The following SUN2 variants were observed in gnomAD, a reference collection of about 807,000 sequenced individuals.
The protein encoded by SUN2 is Sad1 and UNC84 domain containing 2.
A neutral mutation model predicts 100.0 loss-of-function variants in SUN2; 60 were observed. The observed-to-expected ratio is 0.60, with a 90% CI of 0.49 to 0.74. SUN2 has a LOEUF of 0.74. SUN2 is among the 30% of genes least tolerant of loss of function. The probability of loss-of-function intolerance (pLI) is 0.00; values close to 1 mark genes in which losing one functional copy is unlikely to be tolerated. For synonymous variants in SUN2, 367 were observed against 403.3 expected, an observed-to-expected ratio of 0.91 and a Z score of 1.08; for missense variants, 834 against 954.6, an observed-to-expected ratio of 0.87 and a Z score of 1.66.
chr22:38,750,196 G>T (rs762678655), intron 5 of SUN2, 29 bp downstream of exon 5: 1 of 1,603,016 alleles, frequency 6.2e-7, no homozygotes, highest in South Asian at 1.1e-5. Context: ...ACCAAGAATG[G>T]AAGTAACTGG....
chr22:38,739,267 C>T lies in SUN2; in HGVS notation c.1663+75G>A. On this transcript the variant is annotated intron_variant, in intron 14 of 17. Coordinates refer to ENST00000689035, the MANE Select transcript of SUN2 (RefSeq NM_015374.3). The surrounding 1 kb of genome is among the most constrained non-coding windows in gnomAD (Gnocchi z 6.7). The stretch of plus-strand genomic sequence containing the variant: ...AGCTTTGCTTGCTCTGCCCCACCAC[C>T]AACCTGGTAGATGCCAGGGGACCGG... 2 of 1,512,928 alleles carry T rather than the reference C, an allele frequency of 1.3e-6. No individual in the cohort carries two copies. The highest frequency in any genetic ancestry group is 1.1e-5 in the South Asian group (1 of 89,096). The allele number at this position is 1,512,928 out of a possible 1,614,324, so 93.7% of individuals were successfully genotyped here.
Position 38,737,467 on chromosome 22 carries a change from C to T in SUN2, c.2040+706G>A, listed in dbSNP as rs965449376. Among the ~76,000 whole-genome samples, 1 of 152,164 alleles carries T rather than the reference C, an allele frequency of 6.6e-6. No individual in the cohort carries two copies. The highest frequency in any genetic ancestry group is 2.4e-5 in the African/African-American group (1 of 41,432). On this transcript the variant is annotated intron_variant, in intron 17 of 17. Transcript: ENST00000689035. The surrounding 1 kb of genome is among the most constrained non-coding windows in gnomAD (Gnocchi z 4.1). Reference sequence around the variant, plus strand: ...CTGACGGGTCTCCCAGGCCCAGGCTCGCCCCTTCGAGTCATATAGTGATGT... The same window carrying T: ...CTGACGGGTCTCCCAGGCCCAGGCTTGCCCCTTCGAGTCATATAGTGATGT...
chr22:38,750,469 G>A, intron 4 of SUN2, 149 bp from the exon 5 acceptor site: 1 of 1,455,106 alleles, frequency 6.9e-7, no homozygotes, highest in Non-Finnish European at 9.2e-7. Flanking sequence ...GAATGAAATG[G>A]GAGCTCTTTG....
chr22:38,740,481 TA>T lies in SUN2; in HGVS notation c.1191-50del. On this transcript the variant is annotated intron_variant, in intron 11 of 17. Transcript: ENST00000689035. The surrounding 1 kb of genome is among the most constrained non-coding windows in gnomAD (Gnocchi z 4.8). ...AGCCTCGGATCTCTTTGGTGGGAGGTAAGGCCACACCAAAGATGAAAGAGGA... is the reference window on the plus strand; with the variant it reads ...AGCCTCGGATCTCTTTGGTGGGAGGTAGGCCACACCAAAGATGAAAGAGGA... 1 of 1,416,874 alleles carries T rather than the reference TA, an allele frequency of 7.1e-7. No individual in the cohort carries two copies. The highest frequency in any genetic ancestry group is 9.3e-7 in the Non-Finnish European group (1 of 1,077,458). 87.8% of individuals were successfully genotyped at this position (1,416,874 alleles called of 1,614,324 possible).
chr22:38,750,938 C>T lies in SUN2; in HGVS notation c.384G>A (p.Leu128=). 1 of 1,614,026 alleles carries T rather than the reference C, an allele frequency of 6.2e-7. No individual in the cohort carries two copies. Among genetic ancestry groups the T allele is most frequent in the Middle Eastern group, 1.7e-4 (1 of 6,060 alleles). The part of the protein sequence containing the change: ...LVGRKATEDF[L]GSSSGYSSED... ...CAGAGGAGTAGCCCGAGGAAGAGCC[C>T]AGGAAGTCCTCGGTGGCCTTGCGCC... Residue 128 remains leucine (L), a synonymous_variant, in exon 4 of 18, where the codon CTG becomes CTA. Transcript: ENST00000689035.
intron 3 of SUN2, 73 bp downstream of exon 3, chr22:38,751,137 A>G (rs1457647850): frequency 6.2e-7 from 1 of 1,607,694 alleles, no homozygotes; most frequent in Non-Finnish European, 8.5e-7. Context: ...CGGGGACTGC[A>G]GGGGACACTG....
At chr22:38,751,924 G>C (rs113082912) in intron 2 of SUN2, among the ~76,000 whole-genome samples, 1 of 152,302 alleles carries the variant, frequency 6.6e-6, no homozygotes, top group African/African-American at 2.4e-5. Context: ...TTTCCGGCCT[G>C]GCTTATGGTT....
intron 1 of SUN2, among the ~76,000 whole-genome samples, chr22:38,753,154 G>A (rs1210262818): frequency 1.3e-5 from 2 of 151,316 alleles, no homozygotes; most frequent in Non-Finnish European, 2.9e-5. Flanking sequence ...CTCGTTCATC[G>A]AGGGCCCCAA....
Position 38,755,104 on chromosome 22 carries a change from G to A in SUN2, c.-38+659C>T, listed in dbSNP as rs1282459724. On this transcript the variant is annotated intron_variant, in intron 1 of 17. Transcript: ENST00000689035. This position sits in a 1 kb window ranked among gnomAD's most constrained non-coding sequence, Gnocchi z 5.7. ...CTGGGCGACTTCCTTTCTCAATTCCGCCCTTCCCCATCACAAACATCTCCA... is the reference window on the plus strand; with the variant it reads ...CTGGGCGACTTCCTTTCTCAATTCCACCCTTCCCCATCACAAACATCTCCA... 3.1e-6 allele frequency: 3 copies of A among 967,638 alleles called. No individual in the cohort carries two copies. Among genetic ancestry groups the A allele is most frequent in the African/African-American group, 1.8e-5 (1 of 57,138 alleles). The allele number at this position is 967,638 out of a possible 1,614,324, so 59.9% of individuals were successfully genotyped here.
Position 38,755,025 on chromosome 22 carries a change from C to T in SUN2, c.-38+738G>A. ...GACACCACCCCCGCCCCACCTCCTC[C>T]CTAACAATCAGTTAGGAAACGCTCA... On this transcript the variant is annotated intron_variant, in intron 1 of 17. Transcript: ENST00000689035. This position sits in a 1 kb window ranked among gnomAD's most constrained non-coding sequence, Gnocchi z 5.7. 1 of 1,225,240 alleles carries T rather than the reference C, an allele frequency of 8.2e-7. No homozygotes were observed. The highest frequency in any genetic ancestry group is 1.1e-6 in the Non-Finnish European group (1 of 940,094). 75.9% of individuals were successfully genotyped at this position (1,225,240 alleles called of 1,614,324 possible). A position where few individuals can be genotyped will look rare whatever the true frequency, so the allele number is the denominator to read the frequency against.
Position 38,735,169 on chromosome 22 carries a change from T to A in SUN2, c.*1098A>T, listed in dbSNP as rs948908983. The A allele has an allele frequency of 2.3e-6, 1 of 442,790 alleles. No homozygotes were observed. Among genetic ancestry groups the A allele is most frequent in the Non-Finnish European group, 4.5e-6 (1 of 221,534 alleles). The allele number at this position is 442,790 out of a possible 1,614,324, so 27.4% of individuals were successfully genotyped here. Reference sequence around the variant, plus strand: ...AAAGTCCCCTCCTCCCCCTTCCCTATCCAGGGTAACTTCTGCCAGCCTCTT... The same window carrying A: ...AAAGTCCCCTCCTCCCCCTTCCCTAACCAGGGTAACTTCTGCCAGCCTCTT... On this transcript the variant is annotated 3_prime_UTR_variant, in exon 18 of 18. Transcript: ENST00000689035.
Position 38,739,013 on chromosome 22 carries a change from TGGGCTCCCGCACGGGAGGA to T in SUN2, c.1664-44_1664-26del, listed in dbSNP as rs1172436148. 6.3e-7 allele frequency: 1 copy of T among 1,591,296 alleles called. No homozygotes were observed. On this transcript the variant is annotated intron_variant, in intron 14 of 17. Coordinates refer to ENST00000689035, the MANE Select transcript of SUN2 (RefSeq NM_015374.3). This position sits in a 1 kb window ranked among gnomAD's most constrained non-coding sequence, Gnocchi z 6.7. ...CCTGAGACAGGAGAGGAAGGCAGGG[TGGGCTCCCGCACGGGAGGA>T]GGGCCCCGCTCAGGCCATTGGCTGT...
At chr22:38,750,800 T>A (rs1164110829) in intron 4 of SUN2, 98 bp downstream of exon 4, 86 of 1,545,740 alleles carry the variant, frequency 5.6e-5, no homozygotes, top group Non-Finnish European at 7.5e-5. Context: ...GCCTGCCACA[T>A]GCTGCCCTCT....
chr22:38,740,251 G>A lies in SUN2; in HGVS notation c.1356+16C>T, dbSNP rs998577556. On this transcript the variant is annotated intron_variant, in intron 12 of 17. Transcript: ENST00000689035. This position sits in a 1 kb window ranked among gnomAD's most constrained non-coding sequence, Gnocchi z 4.8. ...GGAGGAGAGGGACCAGCAGGGCCCT[G>A]GTGGTTCCCACTCACGTCGTCCCGC... 2 of 1,550,792 alleles carry A rather than the reference G, an allele frequency of 1.3e-6. No homozygotes were observed. Among genetic ancestry groups the A allele is most frequent in the South Asian group, 2.4e-5 (2 of 82,534 alleles).
At chr22:38,748,044 G>A (rs950186691) in intron 7 of SUN2, among the ~76,000 whole-genome samples, 13 of 151,202 alleles carry the variant, frequency 8.6e-5, no homozygotes, top group Non-Finnish European at 1.8e-4. Flanking sequence ...GGCCGGGCAC[G>A]GTGGCTCATG....
At position 38,739,636 on chromosome 22, in the gene SUN2, C is replaced by G; in HGVS notation, c.1578+86G>C. 1 of 1,501,294 alleles carries G rather than the reference C, an allele frequency of 6.7e-7. No individual in the cohort carries two copies. Among genetic ancestry groups the G allele is most frequent in the Non-Finnish European group, 9.1e-7 (1 of 1,096,474 alleles). 93.0% of individuals were successfully genotyped at this position (1,501,294 alleles called of 1,614,324 possible). On this transcript the variant is annotated intron_variant, in intron 13 of 17. Transcript: ENST00000689035. The surrounding 1 kb of genome is among the most constrained non-coding windows in gnomAD (Gnocchi z 6.7). ...TTGGCACTTCCATCCTGGAACCTGC[C>G]AGGGAGCTGGCAGTGTGGGACTGTC... is the stretch of plus-strand genomic sequence containing the variant.
At position 38,739,999 on chromosome 22, in the gene SUN2, G is replaced by A. The variant is rs191329102; in HGVS notation, c.1357-56C>T. On this transcript the variant is annotated intron_variant, in intron 12 of 17. Transcript: ENST00000689035. This position sits in a 1 kb window ranked among gnomAD's most constrained non-coding sequence, Gnocchi z 6.7. ...GGGGCTTGCAGGGACAGCAGGAGCT[G>A]CTATGACAGGGCTAGTGCTTAGCTG... is the stretch of plus-strand genomic sequence containing the variant. 2.6e-5 allele frequency: 41 copies of A among 1,565,810 alleles called. No individual in the cohort carries two copies. The Admixed American group carries it at 4.9e-4, about 19-fold the overall frequency.
chr22:38,738,701 G>A lies in SUN2; in HGVS notation c.1833C>T (p.Ala611=). 3.7e-6 allele frequency: 6 copies of A among 1,613,700 alleles called. No homozygotes were observed. The highest frequency in any genetic ancestry group is 5.1e-6 in the Non-Finnish European group (6 of 1,179,994). The change falls in exon 16 of 18, where the codon GCC becomes GCT. Residue 611 remains alanine (A), a synonymous_variant. Coordinates refer to ENST00000689035, the MANE Select transcript of SUN2 (RefSeq NM_015374.3). This position sits in a 1 kb window ranked among gnomAD's most constrained non-coding sequence, Gnocchi z 6.6. ...GGATGCGGGCAGAGAGGCGGACCAC[G>A]GCGAAGCCTTGTGGCCCCTGGAAGG... ...CWAFQGPQGF[A]VVRLSARIRP... is the part of the protein sequence containing the mutation.
rs1024157216 is a variant in SUN2 at position 38,738,364 on chromosome 22, A to G, written c.1948-99T>C. ...CCTCCCACCCAGCAGGTCAGGCACC[A>G]GAGTGGCCTATGACAAGTCACTTCA... On this transcript the variant is annotated intron_variant, in intron 16 of 17. Transcript: ENST00000689035. This position sits in a 1 kb window ranked among gnomAD's most constrained non-coding sequence, Gnocchi z 6.6. 6 of 1,184,480 alleles carry G rather than the reference A, an allele frequency of 5.1e-6. No individual in the cohort carries two copies. In the African/African-American group the frequency reaches 6.1e-5, roughly 12 times the overall value. The allele number at this position is 1,184,480 out of a possible 1,614,324, so 73.4% of individuals were successfully genotyped here. A position where few individuals can be genotyped will look rare whatever the true frequency, so the allele number is the denominator to read the frequency against.
Sources: allele counts gnomAD v4.1 joint callset (sites outside exome capture counted in the v4.1 genomes callset), GRCh38; gene constraint gnomAD v4.1.1; non-coding constraint Gnocchi (gnomAD v3.1); transcripts MANE v1.5; gene names NCBI Gene and HGNC (gene_info 2026-07-23, HGNC 2026-07-21).